Variants in ITGB1 observed in about 807,000 individuals in gnomAD.
ITGB1 encodes integrin subunit beta 1.
Under a neutral mutation model 86.5 loss-of-function variants are expected in ITGB1, and 24 were observed. The ratio of observed to expected loss-of-function variants is 0.28; its 90% CI spans 0.20 to 0.39. The LOEUF (loss-of-function observed/expected upper bound fraction) is 0.39, where lower values mean the gene tolerates loss of function less well. Among genes scored for constraint, ITGB1 ranks in the 10% least tolerant of loss-of-function variants. The pLI is 1.00. For synonymous variants in ITGB1, 323 were observed against 316.8 expected (o/e 1.02, Z -0.21); for missense variants, 556 against 946.9 (o/e 0.59, Z 5.42).
Position 32,911,935 on chromosome 10 carries a change from G to A in ITGB1, c.1659C>T (p.Cys553=), listed in dbSNP as rs779802110. The change falls in exon 12 of 16, where the codon TGC becomes TGT. Residue 553 remains cysteine, a synonymous_variant. Transcript: ENST00000302278. ...TATCACAGTTGAAATTATCACACTC[G>A]CAGAATTTGCCAGAATAAATTTCAT... ...NTNEIYSGKF[C]ECDNFNCDRS... 4.3e-6 allele frequency: 7 copies of A among 1,613,760 alleles called. No homozygotes were observed. The highest frequency in any genetic ancestry group is 2.2e-5 in the East Asian group (1 of 44,890).
chr10:32,932,600 T>C lies in ITGB1; in HGVS notation c.68A>G (p.Asp23Gly). The change falls in exon 3 of 16, where the codon GAT becomes GGT. Residue 23 changes from aspartate (D) to glycine (G), a missense_variant and splice_region_variant. Around this residue, in one of 4 missense-constraint regions of ITGB1, gnomAD observed 183 missense variants for 263.9 expected, o/e 0.69. Coordinates refer to ENST00000302278, the MANE Select transcript of ITGB1 (RefSeq NM_002211.4). ...SSVCCVFAQT[D>G]ENRCLKANAK... The stretch of plus-strand genomic sequence containing the variant: ...ATTTGCTTTTAAACATCTATTTTCA[T>C]CTGTCAGAAAGAAGAAAGAACAGAA... 6.4e-7 allele frequency: 1 copy of C among 1,557,824 alleles called. No homozygotes were observed. The highest frequency in any genetic ancestry group is 8.9e-7 in the Non-Finnish European group (1 of 1,129,106).
chr10:32,923,472 A>G, intron 7 of ITGB1, 113 bp downstream of exon 7: 1 of 864,120 alleles, frequency 1.2e-6, no homozygotes, highest in South Asian at 2.1e-5. Context: ...ACTTACCAAA[A>G]CAGCAAAACC....
chr10:32,910,574 G>A, intron 13 of ITGB1, 119 bp from the exon 14 acceptor site: 1 of 600,012 alleles, frequency 1.7e-6, no homozygotes, highest in African/African-American at 1.9e-5. Context: ...TATGAAGGAA[G>A]ATTTCAATAA....
intron 1 of ITGB1, among the ~76,000 whole-genome samples, chr10:32,949,803 ATTAT>A (rs1348533896): frequency 2.0e-5 from 3 of 152,196 alleles, no homozygotes; most frequent in African/African-American, 4.8e-5. Context: ...ATACACACTC[ATTAT>A]TTATTAATTT....
chr10:32,934,718 AT>A (rs938916460), intron 2 of ITGB1, among the ~76,000 whole-genome samples: 37 of 152,058 alleles, frequency 2.4e-4, no homozygotes, highest in Non-Finnish European at 4.6e-4. Flanking sequence ...TCTTTTGCAA[AT>A]TTTTTTGTTA....
chr10:32,928,357 A>T (rs559418093), intron 4 of ITGB1, 93 bp from the exon 5 acceptor site: 2 of 613,266 alleles, frequency 3.3e-6, no homozygotes, highest in Admixed American at 2.6e-5. Context: ...CACGGTAAAC[A>T]CAATAAAATA....
chr10:32,921,460 G>A (rs1302496117), intron 9 of ITGB1, among the ~76,000 whole-genome samples: 1 of 152,150 alleles, frequency 6.6e-6, no homozygotes, highest in East Asian at 1.9e-4. Flanking sequence ...CCTTTCCAAA[G>A]CGTTATGGTA....
intron 13 of ITGB1, 27 bp downstream of exon 13, chr10:32,911,421 T>C: frequency 6.3e-7 from 1 of 1,589,908 alleles, no homozygotes; most frequent in Non-Finnish European, 8.6e-7. Context: ...AAGTATCAAC[T>C]ATTTCAAGCA....
chr10:32,919,614 C>T (rs187240975), intron 11 of ITGB1, among the ~76,000 whole-genome samples: 138 of 152,158 alleles, frequency 9.1e-4, no homozygotes, highest in Middle Eastern at 3.4e-3. Context: ...ATGAGAGAAA[C>T]GCTACCTTAA....
chr10:32,914,074 A>G (rs904942716), intron 11 of ITGB1, among the ~76,000 whole-genome samples: 8 of 152,196 alleles, frequency 5.3e-5, no homozygotes, highest in African/African-American at 1.7e-4. Flanking sequence ...CTAAGCTTTA[A>G]GTGAAAGAGA....
At position 32,907,334 on chromosome 10, in the gene ITGB1, T is replaced by C. The variant is rs575990037; in HGVS notation, c.2331+1034A>G. ...CTAACTACAAAATTCATTTACAATT[T>C]AAAAATACTGAAGATTGGCATTGCT... is the stretch of plus-strand genomic sequence containing the variant. On this transcript the variant is annotated intron_variant, in intron 15 of 15. Transcript: ENST00000302278. Among the ~76,000 whole-genome samples the C allele has an allele frequency of 1.5e-3, 233 of 152,290 alleles. 1 individual carries two copies. Among genetic ancestry groups the C allele is most frequent in the Middle Eastern group, 0.01 (3 of 294 alleles).
intron 11 of ITGB1, among the ~76,000 whole-genome samples, chr10:32,918,047 A>T (rs1266073514): frequency 6.6e-6 from 1 of 152,184 alleles, no homozygotes; most frequent in Non-Finnish European, 1.5e-5. Flanking sequence ...CTTTGTAGGG[A>T]CATGGATGAA....
Position 32,901,503 on chromosome 10 carries a change from C to G in ITGB1, c.*67G>C. 1.0e-6 allele frequency: 1 copy of G among 998,688 alleles called. No homozygotes were observed. Among genetic ancestry groups the G allele is most frequent in the East Asian group, 2.5e-5 (1 of 40,430 alleles). 61.9% of individuals were successfully genotyped at this position (998,688 alleles called of 1,614,324 possible). ...AAACCATGGCAATATTGCCCTAAAG[C>G]TACCTAACTGTGACTATGGAAATTG... On this transcript the variant is annotated 3_prime_UTR_variant, in exon 16 of 16. Coordinates refer to ENST00000302278, the MANE Select transcript of ITGB1 (RefSeq NM_002211.4).
At chr10:32,954,342 GTTTCT>G (rs1593891648) in intron 1 of ITGB1, among the ~76,000 whole-genome samples, 2 of 151,944 alleles carry the variant, frequency 1.3e-5, no homozygotes, top group South Asian at 2.1e-4. Flanking sequence ...GTCACACTGG[GTTTCT>G]TTTATTTCTC....
At chr10:32,945,971 T>C (rs2095030502) in intron 1 of ITGB1, among the ~76,000 whole-genome samples, 3 of 152,190 alleles carry the variant, frequency 2.0e-5, no homozygotes, top group Non-Finnish European at 4.4e-5. Flanking sequence ...TGAAAATACA[T>C]ATGTATTGAG....
At position 32,900,460 on chromosome 10, in the gene ITGB1, T is replaced by C. The variant is rs1423896452; in HGVS notation, c.*1110A>G. ...AAATAGCACTGTAAAAAGTGAACTG[T>C]TAAAACTAAAGGCACTTAAAACAAG... On this transcript the variant is annotated 3_prime_UTR_variant, in exon 16 of 16. Transcript: ENST00000302278. 1 of 151,692 alleles carries C rather than the reference T, an allele frequency of 6.6e-6. No individual in the cohort carries two copies. Among genetic ancestry groups the C allele is most frequent in the Non-Finnish European group, 1.5e-5 (1 of 67,826 alleles). The allele number at this position is 151,692 out of a possible 1,614,324, so 9.4% of individuals were successfully genotyped here.
At chr10:32,912,739 G>C (rs193158633) in intron 11 of ITGB1, among the ~76,000 whole-genome samples, 15 of 152,210 alleles carry the variant, frequency 9.9e-5, no homozygotes, top group Non-Finnish European at 1.5e-4. Context: ...CTGGGGGCAG[G>C]GCATAGCTGA....
intron 1 of ITGB1, among the ~76,000 whole-genome samples, chr10:32,942,817 T>C (rs1249263072): frequency 1.3e-5 from 2 of 150,488 alleles, no homozygotes; most frequent in South Asian, 4.4e-4. Context: ...CCCAAGTAAC[T>C]GGGACTACAG....
chr10:32,926,638 G>A (rs1372276294), intron 5 of ITGB1, among the ~76,000 whole-genome samples: 1 of 152,176 alleles, frequency 6.6e-6, no homozygotes, highest in Non-Finnish European at 1.5e-5. Context: ...CAGAGGCCTT[G>A]CTGATGCTAG....
Sources: allele counts gnomAD v4.1 joint callset (sites outside exome capture counted in the v4.1 genomes callset), GRCh38; gene constraint gnomAD v4.1.1; regional missense constraint gnomAD v4.1.1; transcripts MANE v1.5; gene names NCBI Gene and HGNC (gene_info 2026-07-23, HGNC 2026-07-21).